Variants in WDFY1 observed in about 807,000 individuals in gnomAD.
The protein encoded by WDFY1 is WD repeat and FYVE domain-containing protein 1.
Under a neutral mutation model 56.4 loss-of-function variants are expected in WDFY1, and 32 were observed. That is an observed-to-expected ratio of 0.57 (90% CI 0.43 to 0.76). WDFY1 has a LOEUF of 0.76. WDFY1 is among the 30% of genes least tolerant of loss of function. WDFY1 has a pLI of 0.00. For missense variants in WDFY1, 480 were observed against 545.7 expected (o/e 0.88, Z 1.20); for synonymous variants, 192 against 197.3 (o/e 0.97, Z 0.23).
chr2:223,885,677 T>C (rs1693161638), intron 8 of WDFY1, among the ~76,000 whole-genome samples: 1 of 152,180 alleles, frequency 6.6e-6, no homozygotes, highest in African/African-American at 2.4e-5. Flanking sequence ...AGAAACCCAG[T>C]GCATGCAGCA....
chr2:223,941,381 C>G (rs1689303864), intron 1 of WDFY1, among the ~76,000 whole-genome samples: 1 of 152,132 alleles, frequency 6.6e-6, no homozygotes, highest in Non-Finnish European at 1.5e-5. Flanking sequence ...TTAGAAATAG[C>G]TATGGTTCTT....
chr2:223,886,729 T>TAAAAAA (rs34317110), intron 8 of WDFY1, among the ~76,000 whole-genome samples: 11 of 95,528 alleles, frequency 1.2e-4, no homozygotes, highest in Admixed American at 2.9e-4. Context: ...AAACTCCGTC[T>TAAAAAA]AAAAAAAAAA....
intron 10 of WDFY1, 30 bp downstream of exon 10, chr2:223,881,912 G>A: frequency 6.2e-7 from 1 of 1,610,780 alleles, no homozygotes; most frequent in Non-Finnish European, 8.5e-7. Flanking sequence ...GTAATAAGAG[G>A]CAATGAGACA....
chr2:223,896,109 T>TGC (rs1693365229), intron 6 of WDFY1, among the ~76,000 whole-genome samples: 1 of 118,916 alleles, frequency 8.4e-6, no homozygotes, highest in Non-Finnish European at 1.6e-5. Context: ...TGAGCCAAGA[T>TGC]AGCACCACTG....
At chr2:223,923,394 T>A (rs1031314295) in intron 1 of WDFY1, among the ~76,000 whole-genome samples, 2 of 152,190 alleles carry the variant, frequency 1.3e-5, no homozygotes, top group Non-Finnish European at 2.9e-5. Context: ...TACTATCCAG[T>A]AAATTGGAAG....
At position 223,895,871 on chromosome 2, in the gene WDFY1, C is replaced by A. The variant is rs144029879; in HGVS notation, c.599-241G>T. On this transcript the variant is annotated intron_variant, in intron 6 of 11. Transcript: ENST00000233055. ...CAATTTTCAATTATGCATCAAACTACTTTGGGCCGGGCATGGTGACTCACA... is the reference window on the plus strand; with the variant it reads ...CAATTTTCAATTATGCATCAAACTAATTTGGGCCGGGCATGGTGACTCACA... Among the ~76,000 whole-genome samples, 378 of 152,046 alleles carry A rather than the reference C, an allele frequency of 2.5e-3. 3 individuals carry two copies. The highest frequency in any genetic ancestry group is 3.8e-3 in the Non-Finnish European group (261 of 67,958).
chr2:223,923,696 G>A (rs572744180), intron 1 of WDFY1, among the ~76,000 whole-genome samples: 1 of 152,218 alleles, frequency 6.6e-6, no homozygotes, highest in East Asian at 1.9e-4. Flanking sequence ...GGGAGGCGGA[G>A]CTTGCAGTGA....
At chr2:223,880,765 ATT>A (rs386392765) in intron 10 of WDFY1, among the ~76,000 whole-genome samples, 1 of 149,540 alleles carries the variant, frequency 6.7e-6, no homozygotes, top group Non-Finnish European at 1.5e-5. Flanking sequence ...AAAATAACTG[ATT>A]TTTTTTTTTT....
intron 4 of WDFY1, among the ~76,000 whole-genome samples, chr2:223,905,218 A>G (rs568553998): frequency 1.3e-5 from 2 of 152,342 alleles, no homozygotes; most frequent in South Asian, 4.1e-4. Flanking sequence ...AACTTGCACT[A>G]TTGCTGTGAA....
Position 223,901,251 on chromosome 2 carries a change from GCTCACACA to G in WDFY1, c.409_416del (p.Cys137LeufsTer25). The G allele has an allele frequency of 1.2e-6, 2 of 1,614,166 alleles. No homozygotes were observed. Among genetic ancestry groups the G allele is most frequent in the Non-Finnish European group, 1.7e-6 (2 of 1,180,026 alleles). ...TGTTCCCGCTCCGCGTGCACATCCA[GCTCACACA>G]CTTGTCGTGGCCGGTACTGATCACC... On this transcript the variant is annotated frameshift_variant, in exon 5 of 12. Transcript: ENST00000233055. LOFTEE classifies it high-confidence loss of function.
At chr2:223,887,176 T>C (rs1257369698) in intron 8 of WDFY1, among the ~76,000 whole-genome samples, 1 of 152,218 alleles carries the variant, frequency 6.6e-6, no homozygotes, top group Non-Finnish European at 1.5e-5. Flanking sequence ...CAGGTGGTGA[T>C]GGAGGCTGGT....
chr2:223,943,217 T>G (rs1689344873), intron 1 of WDFY1, among the ~76,000 whole-genome samples: 1 of 150,638 alleles, frequency 6.6e-6, no homozygotes, highest in Non-Finnish European at 1.5e-5. Context: ...TATTCTGTCC[T>G]TGCCTTTTTC....
chr2:223,894,424 C>T (rs1693327485), intron 7 of WDFY1, 85 bp from the exon 8 acceptor site: 2 of 1,357,960 alleles, frequency 1.5e-6, no homozygotes, highest in Non-Finnish European at 2.1e-6. Flanking sequence ...TTGCTCTCCT[C>T]ATTAAAATCA....
intron 1 of WDFY1, among the ~76,000 whole-genome samples, chr2:223,932,283 T>C (rs770636126): frequency 3.9e-5 from 6 of 151,930 alleles, no homozygotes; most frequent in South Asian, 2.1e-4. Context: ...CCACCACGCC[T>C]GGCTAATTTT....
chr2:223,942,108 C>G (rs1354166295), intron 1 of WDFY1, among the ~76,000 whole-genome samples: 1 of 152,190 alleles, frequency 6.6e-6, no homozygotes, highest in African/African-American at 2.4e-5. Flanking sequence ...GCTTAGTAAT[C>G]ACTTTCCAAA....
At position 223,898,998 on chromosome 2, in the gene WDFY1, C is replaced by T. The variant is rs962676734; in HGVS notation, c.558G>A (p.Gln186=). Reference sequence around the variant, plus strand: ...GGGTTGTGATGACTGAACACGTGTTCTGTTCAAGCTTCAGCAGGGTGATCT... The same window carrying T: ...GGGTTGTGATGACTGAACACGTGTTTTGTTCAAGCTTCAGCAGGGTGATCT... ...SGQITLLKLE[Q]NTCSVITTLK... Residue 186 remains glutamine, a synonymous_variant, in exon 6 of 12, where the codon CAG becomes CAA. Coordinates refer to ENST00000233055, the MANE Select transcript of WDFY1 (RefSeq NM_020830.5). 3 of 1,614,086 alleles carry T rather than the reference C, an allele frequency of 1.9e-6. No homozygotes were observed. In the Admixed American group the frequency reaches 5.0e-5, roughly 27 times the overall value.
At chr2:223,929,182 GTT>G in intron 1 of WDFY1, among the ~76,000 whole-genome samples, 1 of 100,644 alleles carries the variant, frequency 9.9e-6, no homozygotes, top group Non-Finnish European at 2.1e-5. Context: ...TTTTCTTTCT[GTT>G]TTTTGTTTTT....
chr2:223,922,380 A>G (rs1171174793), intron 1 of WDFY1, among the ~76,000 whole-genome samples: 3 of 152,248 alleles, frequency 2.0e-5, no homozygotes, highest in African/African-American at 7.2e-5. Context: ...ATTCCGACAT[A>G]GGGGATGAAG....
chr2:223,907,135 C>T (rs932464666), intron 3 of WDFY1, among the ~76,000 whole-genome samples: 6 of 151,786 alleles, frequency 4.0e-5, no homozygotes, highest in South Asian at 2.1e-4. Flanking sequence ...CCACCACACC[C>T]GGCTAATTTT....
Sources: gnomAD v4.1 joint callset for allele counts (sites outside exome capture counted in the v4.1 genomes callset) on GRCh38, gnomAD v4.1.1 for gene constraint, MANE v1.5 for transcripts, NCBI Gene and HGNC (gene_info 2026-07-23, HGNC 2026-07-21) for gene names.